PGBD5: variants seen among roughly 807,000 people sequenced by gnomAD.
PGBD5 encodes piggyBac transposable element-derived protein 5.
A neutral mutation model predicts 47.9 loss-of-function variants in PGBD5; 14 were observed. That is an observed-to-expected ratio of 0.29 (90% CI 0.19 to 0.46). The LOEUF (loss-of-function observed/expected upper bound fraction) is 0.46. Ranked by LOEUF, PGBD5 falls within the 20% of genes least tolerant of loss-of-function variation. The pLI is 1.00. For missense variants in PGBD5, 635 were observed against 716.0 expected (o/e 0.89, Z 1.29); for synonymous variants, 316 against 306.3 (o/e 1.03, Z -0.33).
At chr1:230,377,373 C>T (rs1668029427) in intron 1 of PGBD5, 4 of 1,076,890 alleles carry the variant, frequency 3.7e-6, no homozygotes, top group Non-Finnish European at 5.5e-6. Flanking sequence ...GAAATGCTGA[C>T]ATCAACACGT....
chr1:230,396,229 TACCCCCACAC>T (rs1656960074), intron 1 of PGBD5, among the ~76,000 whole-genome samples: 2 of 8,670 alleles, frequency 2.3e-4, no homozygotes, highest in East Asian at 6.0e-3. Context: ...TCCTCCTTTT[TACCCCCACAC>T]TCCTCCCTTT....
In PGBD5 at chr1:230,355,030, G is replaced by C. The variant is rs146012825; in HGVS notation, c.759+1864C>G. Among the ~76,000 whole-genome samples the C allele has an allele frequency of 2.2e-3, 336 of 152,254 alleles. 1 individual carries two copies. The highest frequency in any genetic ancestry group is 8.0e-3 in the African/African-American group (331 of 41,540). ...CTTCCCCAGATTGAGCCTCATCTCAGGCCCTGCTTCTGCAAGCCTCATCAC... is the reference window on the plus strand; with the variant it reads ...CTTCCCCAGATTGAGCCTCATCTCACGCCCTGCTTCTGCAAGCCTCATCAC... On this transcript the variant is annotated intron_variant, in intron 2 of 6. Transcript: ENST00000391860.
rs1667047076 is a variant in PGBD5, at chr1:230,322,428, C to T, written c.*997G>A. 6.6e-6 allele frequency: 1 copy of T among 152,266 alleles called. No individual in the cohort carries two copies. Among genetic ancestry groups the T allele is most frequent in the Non-Finnish European group, 1.5e-5 (1 of 68,046 alleles). 9.4% of individuals were successfully genotyped at this position (152,266 alleles called of 1,614,324 possible). A position where few individuals can be genotyped will look rare whatever the true frequency, so the allele number is the denominator to read the frequency against. On this transcript the variant is annotated 3_prime_UTR_variant, in exon 7 of 7. Coordinates refer to ENST00000391860, the MANE Select transcript of PGBD5 (RefSeq NM_001258311.2). The surrounding 1 kb of genome is among the most constrained non-coding windows in gnomAD (Gnocchi z 5.9). ...AGAGGAAAGACAATGAGCAAATGGC[C>T]ATCGTAGAGAATTCGGTTGTGTGTT...
chr1:230,353,844 G>A (rs948745061), intron 2 of PGBD5, among the ~76,000 whole-genome samples: 4 of 152,342 alleles, frequency 2.6e-5, no homozygotes, highest in Admixed American at 6.5e-5. Context: ...GGAAAGCTGC[G>A]AATCCAAGGC....
intron 1 of PGBD5, among the ~76,000 whole-genome samples, chr1:230,393,366 G>A (rs1240637431): frequency 2.6e-5 from 4 of 151,754 alleles, no homozygotes; most frequent in Admixed American, 6.6e-5. Context: ...GACCACTGGC[G>A]GGGATGCGAG....
intron 1 of PGBD5, among the ~76,000 whole-genome samples, chr1:230,366,485 A>G (rs532151773): frequency 7.9e-5 from 12 of 152,218 alleles, no homozygotes; most frequent in Admixed American, 3.9e-4. Flanking sequence ...GACTAATTAT[A>G]AGACAATCAT....
chr1:230,354,560 T>C (rs1056776961), intron 2 of PGBD5, among the ~76,000 whole-genome samples: 4 of 152,196 alleles, frequency 2.6e-5, no homozygotes, highest in Admixed American at 2.6e-4. Flanking sequence ...ATATAACTTT[T>C]ACCAATGATA....
Position 230,333,028 on chromosome 1 carries a change from G to A in PGBD5, c.1089C>T (p.Cys363=), listed in dbSNP as rs1353673493. The part of the protein sequence containing the change: ...EEFEKQGIYC[C]GLLRARKSDC... ...CACTCTTCCGCGCGCGGAGCAAGCC[G>A]CAGCAGTAAATCCCTGAGGGGAGAG... Residue 363 remains cysteine (C), a synonymous_variant, in exon 5 of 7, where the codon TGC becomes TGT. Coordinates refer to ENST00000391860, the MANE Select transcript of PGBD5 (RefSeq NM_001258311.2). 5.0e-6 allele frequency: 8 copies of A among 1,598,952 alleles called. No homozygotes were observed. Among genetic ancestry groups the A allele is most frequent in the South Asian group, 4.5e-5 (4 of 89,310 alleles).
intron 1 of PGBD5, among the ~76,000 whole-genome samples, chr1:230,422,358 TTC>T (rs930878474): frequency 1.3e-5 from 2 of 152,074 alleles, no homozygotes; most frequent in African/African-American, 2.4e-5. Context: ...CTGAATTTCA[TTC>T]TGTTTCCAAA....
chr1:230,374,934 T>C (rs1161439080), intron 1 of PGBD5, among the ~76,000 whole-genome samples: 1 of 152,056 alleles, frequency 6.6e-6, no homozygotes, highest in Admixed American at 6.5e-5. Flanking sequence ...AGAGCAGGCA[T>C]GGGGTCCAGG....
rs1232844635 is a variant in PGBD5 at position 230,333,032 on chromosome 1, C to T, written c.1085G>A (p.Cys362Tyr). The T allele has an allele frequency of 6.3e-7, 1 of 1,596,224 alleles. No individual in the cohort carries two copies. Among genetic ancestry groups the T allele is most frequent in the South Asian group, 1.1e-5 (1 of 88,960 alleles). Residue 362 changes from cysteine (C) to tyrosine (Y), a missense_variant, in exon 5 of 7, where the codon TGC (cysteine) becomes TAC (tyrosine). Cys to Tyr is a radical substitution (Grantham distance 194). Coordinates refer to ENST00000391860, the MANE Select transcript of PGBD5 (RefSeq NM_001258311.2). Reference protein sequence around the residue: ...FEEFEKQGIYCCGLLRARKSD... With the variant: ...FEEFEKQGIYYCGLLRARKSD... ...CTTCCGCGCGCGGAGCAAGCCGCAGCAGTAAATCCCTGAGGGGAGAGGGAG... is the reference window on the plus strand; with the variant it reads ...CTTCCGCGCGCGGAGCAAGCCGCAGTAGTAAATCCCTGAGGGGAGAGGGAG...
chr1:230,383,453 C>T (rs755069778), intron 1 of PGBD5, among the ~76,000 whole-genome samples: 7 of 152,120 alleles, frequency 4.6e-5, no homozygotes, highest in East Asian at 1.9e-4. Context: ...CAACCTCAAA[C>T]TCCTGGGCTC....
chr1:230,397,506 T>C (rs1657015542), intron 1 of PGBD5, among the ~76,000 whole-genome samples: 1 of 152,246 alleles, frequency 6.6e-6, no homozygotes, highest in African/African-American at 2.4e-5. Flanking sequence ...AAGATGAATC[T>C]TTAAATGGCA....
At chr1:230,412,292 C>T (rs933033656) in intron 1 of PGBD5, among the ~76,000 whole-genome samples, 1 of 152,004 alleles carries the variant, frequency 6.6e-6, no homozygotes, top group African/African-American at 2.4e-5. Context: ...CAAAACTCAA[C>T]TACTAATAGC....
At chr1:230,422,576 C>T (rs111973032) in intron 1 of PGBD5, among the ~76,000 whole-genome samples, 5 of 152,248 alleles carry the variant, frequency 3.3e-5, no homozygotes, top group African/African-American at 1.2e-4. Flanking sequence ...ACAAGCATAG[C>T]GTGTGCATTT....
chr1:230,411,399 T>C (rs990255803), intron 1 of PGBD5, among the ~76,000 whole-genome samples: 1 of 152,186 alleles, frequency 6.6e-6, no homozygotes. Flanking sequence ...ATTAAAAATA[T>C]ATACTGCATG....
At chr1:230,350,300 A>ACTG (rs1287537561) in intron 3 of PGBD5, among the ~76,000 whole-genome samples, 3 of 152,170 alleles carry the variant, frequency 2.0e-5, no homozygotes, top group Non-Finnish European at 4.4e-5. Context: ...TGTGTACCCT[A>ACTG]CTGCTCCTGG....
chr1:230,332,942 T>C lies in PGBD5; in HGVS notation c.1175A>G (p.Gln392Arg), dbSNP rs551589218. 3 of 1,614,178 alleles carry C rather than the reference T, an allele frequency of 1.9e-6. No individual in the cohort carries two copies. The highest frequency in any genetic ancestry group is 2.7e-5 in the African/African-American group (2 of 75,056). Reference sequence around the variant, plus strand: ...GTTCCCCTTCATCTTGATTTGGTACTGGCCCCGGGCCGGGGGTGTGGCTGG... The same window carrying C: ...GTTCCCCTTCATCTTGATTTGGTACCGGCCCCGGGCCGGGGGTGTGGCTGG... ...TNPATPPARG[Q>R]YQIKMKGNMS... Residue 392 changes from glutamine to arginine, a missense_variant, in exon 5 of 7, where the codon CAG (glutamine) becomes CGG (arginine). Coordinates refer to ENST00000391860, the MANE Select transcript of PGBD5 (RefSeq NM_001258311.2).
In PGBD5 at chr1:230,320,420, G is replaced by C. The variant is rs986287456; in HGVS notation, c.*3005C>G. On this transcript the variant is annotated 3_prime_UTR_variant, in exon 7 of 7. Coordinates refer to ENST00000391860, the MANE Select transcript of PGBD5 (RefSeq NM_001258311.2). Reference sequence around the variant, plus strand: ...TTTGGAGAAGCTTGGAAGTTTTTGTGGGTGTTTTGTTTTGCATAAGGCTGG... The same window carrying C: ...TTTGGAGAAGCTTGGAAGTTTTTGTCGGTGTTTTGTTTTGCATAAGGCTGG... The C allele has an allele frequency of 6.6e-6, 1 of 152,190 alleles. No individual in the cohort carries two copies. The highest frequency in any genetic ancestry group is 2.1e-4 in the South Asian group (1 of 4,830). 9.4% of individuals were successfully genotyped at this position (152,190 alleles called of 1,614,324 possible). A position where few individuals can be genotyped will look rare whatever the true frequency, so the allele number is the denominator to read the frequency against.
Sources: gnomAD v4.1 joint callset for allele counts (sites outside exome capture counted in the v4.1 genomes callset) on GRCh38, gnomAD v4.1.1 for gene constraint, Gnocchi (gnomAD v3.1) non-coding constraint, MANE v1.5 for transcripts, NCBI Gene and HGNC (gene_info 2026-07-23, HGNC 2026-07-21) for gene names.